Variants in ACSL4 observed in about 807,000 individuals in gnomAD.
The protein encoded by ACSL4 is long-chain-fatty-acid--CoA ligase 4.
ACSL4 carries 9 observed loss-of-function variants against 49.1 expected under a neutral mutation model. That is an observed-to-expected ratio of 0.18 (90% CI 0.11 to 0.32). The LOEUF is 0.32. Among genes scored for constraint, ACSL4 ranks in the 10% least tolerant of loss-of-function variants. ACSL4 has a pLI of 1.00. For synonymous variants in ACSL4, 191 were observed against 170.3 expected (o/e 1.12, Z -0.95); for missense variants, 333 against 493.7 (o/e 0.67, Z 3.08).
chrX:109,707,193 GTAC>G (rs767339312), intron 1 of ACSL4, among the ~76,000 whole-genome samples: 1 of 111,956 alleles, frequency 8.9e-6, no homozygotes, highest in East Asian at 2.8e-4. Flanking sequence ...GTTCCTTGCA[GTAC>G]TACTACTTAT....
chrX:109,675,509 GGT>G (rs1272729394), intron 8 of ACSL4, among the ~76,000 whole-genome samples: 3 of 111,555 alleles, frequency 2.7e-5, no homozygotes, highest in African/African-American at 9.8e-5. Context: ...TTAAAAAGTA[GGT>G]GTGAATTTTA....
At chrX:109,669,974 G>T (rs959959251) in intron 9 of ACSL4, among the ~76,000 whole-genome samples, 7 of 111,125 alleles carry the variant, frequency 6.3e-5, no homozygotes, top group Non-Finnish European at 1.1e-4. Context: ...CACGATTCTT[G>T]CTCACACAAA....
intron 1 of ACSL4, among the ~76,000 whole-genome samples, chrX:109,727,835 C>T (rs760080029): frequency 1.8e-5 from 2 of 111,168 alleles, no homozygotes; most frequent in African/African-American, 3.3e-5. Context: ...ATTGTGAATG[C>T]GGCCAGAAAA....
At chrX:109,686,302 C>T (rs768584476) in intron 2 of ACSL4, among the ~76,000 whole-genome samples, 23 of 112,327 alleles carry the variant, frequency 2.0e-4, no homozygotes, top group African/African-American at 7.1e-4. Context: ...AAACCCAGTA[C>T]CTCTTTCTTA....
chrX:109,646,931 A>G (rs1333615170), intron 15 of ACSL4, among the ~76,000 whole-genome samples: 1 of 112,100 alleles, frequency 8.9e-6, no homozygotes, highest in Non-Finnish European at 1.9e-5. Flanking sequence ...AAAGAAGGCC[A>G]TCACATAATG....
At chrX:109,646,848 C>CA (rs1393939751) in intron 15 of ACSL4, among the ~76,000 whole-genome samples, 3 of 108,992 alleles carry the variant, frequency 2.8e-5, no homozygotes, top group South Asian at 4.0e-4. Context: ...AAATGGAAAA[C>CA]AAAAAAAAGG....
chrX:109,683,018 A>G, intron 3 of ACSL4, 118 bp downstream of exon 3: 1 of 1,023,547 alleles, frequency 9.8e-7, no homozygotes, highest in Non-Finnish European at 1.3e-6. Context: ...GCGGCTTCTG[A>G]GTAGTTTTAC....
At chrX:109,660,917 C>A (rs1306082205) in intron 14 of ACSL4, among the ~76,000 whole-genome samples, 1 of 110,404 alleles carries the variant, frequency 9.1e-6, no homozygotes, top group Non-Finnish European at 1.9e-5. Flanking sequence ...TGGTGGTTCC[C>A]AGGGGAAGGA....
intron 1 of ACSL4, among the ~76,000 whole-genome samples, chrX:109,726,050 C>T (rs929836807): frequency 1.8e-5 from 2 of 111,676 alleles, no homozygotes; most frequent in African/African-American, 6.5e-5. Flanking sequence ...TGTAAATTTT[C>T]AGTAAAAAGA....
chrX:109,717,683 G>A (rs1343284224), intron 1 of ACSL4, among the ~76,000 whole-genome samples: 3 of 110,560 alleles, frequency 2.7e-5, no homozygotes, highest in Non-Finnish European at 5.7e-5. Flanking sequence ...AAGAGCAAGG[G>A]AAAAAAATGG....
chrX:109,705,276 C>T (rs996445465), intron 1 of ACSL4, among the ~76,000 whole-genome samples: 2 of 112,089 alleles, frequency 1.8e-5, no homozygotes, highest in Non-Finnish European at 3.8e-5. Context: ...CCATCCATCT[C>T]TCTTTAGGAA....
At chrX:109,681,862 A>G (rs1482008109) in intron 4 of ACSL4, among the ~76,000 whole-genome samples, 2 of 111,857 alleles carry the variant, frequency 1.8e-5, no homozygotes, top group Non-Finnish European at 3.8e-5. Context: ...CCAATGTCCA[A>G]TGTGATTGGT....
chrX:109,712,739 T>C (rs1367119028), intron 1 of ACSL4, among the ~76,000 whole-genome samples: 1 of 110,217 alleles, frequency 9.1e-6, no homozygotes, highest in Non-Finnish European at 1.9e-5. Flanking sequence ...ACTAAAGAGG[T>C]TGAGGTGGGC....
At chrX:109,662,900 G>A (rs1217421389) in intron 13 of ACSL4, among the ~76,000 whole-genome samples, 2 of 111,335 alleles carry the variant, frequency 1.8e-5, no homozygotes, top group East Asian at 5.6e-4. Context: ...CTCATTACCT[G>A]TTTGCTATTT....
At chrX:109,674,809 A>G (rs1923551785) in intron 8 of ACSL4, among the ~76,000 whole-genome samples, 1 of 112,417 alleles carries the variant, frequency 8.9e-6, no homozygotes, top group African/African-American at 3.2e-5. Context: ...CTTGATTAAG[A>G]CAGATATAAC....
chrX:109,665,789 T>C (rs188125902), intron 11 of ACSL4, among the ~76,000 whole-genome samples: 9 of 112,003 alleles, frequency 8.0e-5, no homozygotes, highest in Admixed American at 3.8e-4. Flanking sequence ...TAGATTTTGA[T>C]TGGAATTCCT....
intron 1 of ACSL4, among the ~76,000 whole-genome samples, chrX:109,712,718 T>C (rs762437947): frequency 8.9e-6 from 1 of 111,978 alleles, no homozygotes; most frequent in African/African-American, 3.2e-5. Context: ...CATGTGCCTG[T>C]AGTCCCAGCT....
intron 11 of ACSL4, 115 bp downstream of exon 11, chrX:109,667,986 G>A: frequency 1.9e-6 from 1 of 524,359 alleles, no homozygotes; most frequent in Non-Finnish European, 3.3e-6. Flanking sequence ...GATTTGCAAT[G>A]AATCTGATAT....
Position 109,668,201 on chromosome X carries a change from T to C in ACSL4, c.1215A>G (p.Leu405=), listed in dbSNP as rs772321650. 2 of 1,208,883 alleles carry C rather than the reference T, an allele frequency of 1.7e-6. No individual in the cohort carries two copies. The highest frequency in any genetic ancestry group is 1.8e-5 in the South Asian group (1 of 56,718). Residue 405 remains leucine (L), a synonymous_variant, in exon 11 of 16, where the codon CTA becomes CTG. Transcript: ENST00000672401. ...VRMMLSGGAP[L]SPQTHRFMNV... ...TCATGAATCGGTGTGTCTGAGGAGA[T>C]AGCGGGGCCCCTCCAGACAGCATCA...
Sources: gnomAD v4.1 joint callset for allele counts (sites outside exome capture counted in the v4.1 genomes callset) on GRCh38, gnomAD v4.1.1 for gene constraint, MANE v1.5 for transcripts, NCBI Gene and HGNC (gene_info 2026-07-23, HGNC 2026-07-21) for gene names.